NCOA1: variants seen among roughly 807,000 people sequenced by gnomAD.
The protein encoded by NCOA1 is Hin-2 protein.
NCOA1 carries 35 observed loss-of-function variants against 150.9 expected under a neutral mutation model. The ratio of observed to expected loss-of-function variants is 0.23; its 90% CI spans 0.18 to 0.31. The LOEUF (loss-of-function observed/expected upper bound fraction) is 0.31. Among genes scored for constraint, NCOA1 ranks in the 10% least tolerant of loss-of-function variants. NCOA1 has a pLI of 1.00. For synonymous variants in NCOA1, 590 were observed against 630.0 expected, an observed-to-expected ratio of 0.94 and a Z score of 0.95; for missense variants, 1,491 against 1,749.3, an observed-to-expected ratio of 0.85 and a Z score of 2.63.
chr2:24,762,403 A>T (rs893639976), intron 21 of NCOA1, among the ~76,000 whole-genome samples: 6 of 152,228 alleles, frequency 3.9e-5, no homozygotes, highest in African/African-American at 1.4e-4. Flanking sequence ...AGAAAAGTGT[A>T]CAACTCAATA....
At chr2:24,599,528 C>G (rs1299089337) in intron 3 of NCOA1, among the ~76,000 whole-genome samples, 1 of 152,078 alleles carries the variant, frequency 6.6e-6, no homozygotes, top group Non-Finnish European at 1.5e-5. Flanking sequence ...ATGAGTGTCT[C>G]AGATTGAGGC....
chr2:24,765,920 C>T (rs1255316670), intron 22 of NCOA1, among the ~76,000 whole-genome samples: 17 of 120,258 alleles, frequency 1.4e-4, no homozygotes, highest in African/African-American at 4.8e-4. Flanking sequence ...TTTTTTGAGA[C>T]GGAGTCTTGC....
At chr2:24,709,728 A>G (rs1006315507) in intron 13 of NCOA1, among the ~76,000 whole-genome samples, 4 of 152,250 alleles carry the variant, frequency 2.6e-5, no homozygotes, top group Admixed American at 2.0e-4. Flanking sequence ...ACATGTTCAC[A>G]AATGTTTTTA....
intron 1 of NCOA1, among the ~76,000 whole-genome samples, chr2:24,526,594 T>C (rs1052530851): frequency 1.3e-5 from 2 of 152,328 alleles, no homozygotes. Flanking sequence ...CTTCATACTG[T>C]TCTTCATTCT....
At chr2:24,638,521 A>G (rs750192452) in intron 3 of NCOA1, among the ~76,000 whole-genome samples, 1 of 152,128 alleles carries the variant, frequency 6.6e-6, no homozygotes, top group Non-Finnish European at 1.5e-5. Context: ...GCTGGATTAT[A>G]TGGTAGTTGT....
intron 2 of NCOA1, among the ~76,000 whole-genome samples, chr2:24,565,110 T>G (rs1331308908): frequency 6.6e-6 from 1 of 152,208 alleles, no homozygotes. Context: ...ACCAAGATAT[T>G]TAACTAAAGA....
At chr2:24,765,930 C>CTTTTT (rs1665041925) in intron 22 of NCOA1, among the ~76,000 whole-genome samples, 1 of 131,328 alleles carries the variant, frequency 7.6e-6, no homozygotes, top group Admixed American at 7.9e-5. Context: ...CGGAGTCTTG[C>CTTTTT]TTTGTCGTTG....
At chr2:24,539,528 A>C (rs576434808) in intron 1 of NCOA1, among the ~76,000 whole-genome samples, 7 of 152,200 alleles carry the variant, frequency 4.6e-5, no homozygotes. Context: ...GAGTCTGTCT[A>C]TAGGAAATCA....
intron 6 of NCOA1, among the ~76,000 whole-genome samples, chr2:24,672,317 G>A (rs1056700620): frequency 5.6e-4 from 85 of 152,262 alleles, no homozygotes; most frequent in African/African-American, 1.7e-3. Context: ...GGCAAATGAC[G>A]TTAACATCTG....
At position 24,647,442 on chromosome 2, in the gene NCOA1, T is replaced by A. The variant is rs1670525245; in HGVS notation, c.-18+3320T>A. 2.6e-5 allele frequency among the ~76,000 whole-genome samples: 4 copies of A among 152,204 alleles called. No individual in the cohort carries two copies. The South Asian group carries it at 6.2e-4, about 24-fold the overall frequency. On this transcript the variant is annotated intron_variant, in intron 4 of 22. Transcript: ENST00000348332. Reference sequence around the variant, plus strand: ...CCTGATGTTTTATGAGTAAATGAGTTAGTAAGGTTTATGAGGGAATTAATT... The same window carrying A: ...CCTGATGTTTTATGAGTAAATGAGTAAGTAAGGTTTATGAGGGAATTAATT...
chr2:24,541,586 G>C (rs1665398120), intron 1 of NCOA1, among the ~76,000 whole-genome samples: 1 of 152,232 alleles, frequency 6.6e-6, no homozygotes, highest in African/African-American at 2.4e-5. Context: ...GCTAGGAGAG[G>C]TTGTGGCCCC....
chr2:24,516,554 G>A (rs1052496283), intron 1 of NCOA1, among the ~76,000 whole-genome samples: 10 of 151,452 alleles, frequency 6.6e-5, no homozygotes, highest in African/African-American at 2.4e-4. Flanking sequence ...GTGTCATTAC[G>A]CAGTGACATT....
intron 3 of NCOA1, among the ~76,000 whole-genome samples, chr2:24,588,434 G>A (rs1415187799): frequency 6.6e-6 from 1 of 152,182 alleles, no homozygotes; most frequent in Admixed American, 6.5e-5. Flanking sequence ...CTGTCCCTCG[G>A]TTTCTGCTGT....
chr2:24,624,322 A>T (rs1425978774), intron 3 of NCOA1, among the ~76,000 whole-genome samples: 2 of 152,328 alleles, frequency 1.3e-5, no homozygotes, highest in African/African-American at 4.8e-5. Flanking sequence ...TTAAGAACTG[A>T]TGATCTATGG....
intron 1 of NCOA1, among the ~76,000 whole-genome samples, chr2:24,513,104 T>C (rs767126132): frequency 4.6e-5 from 7 of 152,190 alleles, no homozygotes; most frequent in East Asian, 3.8e-4. Context: ...TGTCTTGATA[T>C]CCTGAATTGA....
intron 7 of NCOA1, among the ~76,000 whole-genome samples, chr2:24,681,700 G>A (rs556244816): frequency 2.0e-5 from 3 of 150,428 alleles, no homozygotes; most frequent in African/African-American, 7.3e-5. Context: ...AGCAAACTTG[G>A]TACCCTGGCC....
In NCOA1 at chr2:24,707,043, G is replaced by A. The variant is rs748525989; in HGVS notation, c.1573G>A (p.Ala525Thr). ...LSSPVGMTSS[A>T]CNNNNRSYSN... ...CTCTCCCGTTGGCATGACAAGTAGT[G>A]CCTGTAATAATAATAACCGATCTTA... Residue 525 changes from alanine to threonine, a missense_variant, in exon 13 of 23, where the codon GCC (alanine) becomes ACC (threonine). Ala to Thr is a moderately conservative substitution (Grantham distance 58). Coordinates refer to ENST00000348332, the MANE Select transcript of NCOA1 (RefSeq NM_003743.5). 6.2e-7 allele frequency: 1 copy of A among 1,614,130 alleles called. No homozygotes were observed. Among genetic ancestry groups the A allele is most frequent in the Non-Finnish European group, 8.5e-7 (1 of 1,180,022 alleles).
chr2:24,584,314 A>G (rs762312716), intron 2 of NCOA1, among the ~76,000 whole-genome samples, 162 bp from the exon 3 acceptor site: 1 of 152,158 alleles, frequency 6.6e-6, no homozygotes, highest in Non-Finnish European at 1.5e-5. Flanking sequence ...AGTGTAGTTT[A>G]TATATTAATT....
At chr2:24,602,168 A>T (rs537029032) in intron 3 of NCOA1, among the ~76,000 whole-genome samples, 1 of 152,314 alleles carries the variant, frequency 6.6e-6, no homozygotes, top group Admixed American at 6.5e-5. Flanking sequence ...GGGGAAGAAT[A>T]GCAACAAGTA....
Sources: allele counts gnomAD v4.1 joint callset (sites outside exome capture counted in the v4.1 genomes callset), GRCh38; gene constraint gnomAD v4.1.1; transcripts MANE v1.5; gene names NCBI Gene and HGNC (gene_info 2026-07-23, HGNC 2026-07-21).